Variants in HBS1L observed in about 807,000 individuals in gnomAD.
HBS1L encodes HBS1-like protein.
A neutral mutation model predicts 88.9 loss-of-function variants in HBS1L; 55 were observed. That is an observed-to-expected ratio of 0.62 (90% CI 0.50 to 0.77). The LOEUF (loss-of-function observed/expected upper bound fraction) is 0.77, where lower values mean the gene tolerates loss of function less well. Among genes scored for constraint, HBS1L ranks in the 30% least tolerant of loss-of-function variants. The probability of loss-of-function intolerance (pLI) is 0.00; values close to 1 mark genes in which losing one functional copy is unlikely to be tolerated. For synonymous variants in HBS1L, 267 were observed against 288.5 expected (o/e 0.93, Z 0.76); for missense variants, 741 against 829.3 (o/e 0.89, Z 1.31).
intron 8 of HBS1L, among the ~76,000 whole-genome samples, chr6:134,993,479 C>G (rs1418643015): frequency 6.6e-6 from 1 of 152,054 alleles, no homozygotes; most frequent in East Asian, 1.9e-4. Context: ...AAATATGAAG[C>G]TATACTCATC....
At position 134,990,137 on chromosome 6, in the gene HBS1L, C is replaced by T. The variant is rs1191011961; in HGVS notation, c.1084-2346G>A. Among the ~76,000 whole-genome samples, 5 of 152,016 alleles carry T rather than the reference C, an allele frequency of 3.3e-5. No homozygotes were observed. The East Asian group carries it at 9.6e-4, about 29-fold the overall frequency. ...ATTCATTGAATTGGTATTAAGATAC[C>T]TAAGGCCACAAATGTTCTACCTAAT... is the stretch of plus-strand genomic sequence containing the variant. On this transcript the variant is annotated intron_variant, in intron 8 of 17. Coordinates refer to ENST00000367837, the MANE Select transcript of HBS1L (RefSeq NM_006620.4).
chr6:134,970,951 A>T (rs1282466895), intron 15 of HBS1L, among the ~76,000 whole-genome samples: 1 of 152,224 alleles, frequency 6.6e-6, no homozygotes, highest in Non-Finnish European at 1.5e-5. Flanking sequence ...TTGGTTTATA[A>T]GTACAATTTA....
rs751628614 is a variant in HBS1L at position 134,985,379 on chromosome 6, T to C, written c.1454A>G (p.Asp485Gly). 1.9e-6 allele frequency: 3 copies of C among 1,606,226 alleles called. No individual in the cohort carries two copies. The highest frequency in any genetic ancestry group is 1.7e-5 in the Admixed American group (1 of 58,646). ...DSFKPPQRSI[D>G]KPFRLCVSDV... Reference sequence around the variant, plus strand: ...GGACACACATAATCTAAAAGGTTTGTCAATAGATCGCTGGGGAGGCTTAAA... The same window carrying C: ...GGACACACATAATCTAAAAGGTTTGCCAATAGATCGCTGGGGAGGCTTAAA... Residue 485 changes from aspartate to glycine, a missense_variant, in exon 12 of 18, where the codon GAC becomes GGC. By Grantham distance (94) the Asp-to-Gly change is moderately conservative. Coordinates refer to ENST00000367837, the MANE Select transcript of HBS1L (RefSeq NM_006620.4).
rs1165823390 is a variant in HBS1L, at chr6:134,963,706, G to C, written c.*1573C>G. The C allele has an allele frequency of 1.3e-5, 2 of 152,266 alleles. No individual in the cohort carries two copies. Among genetic ancestry groups the C allele is most frequent in the Non-Finnish European group, 2.9e-5 (2 of 68,162 alleles). The allele number at this position is 152,266 out of a possible 1,614,324, so 9.4% of individuals were successfully genotyped here. On this transcript the variant is annotated 3_prime_UTR_variant, in exon 18 of 18. Coordinates refer to ENST00000367837, the MANE Select transcript of HBS1L (RefSeq NM_006620.4). The stretch of plus-strand genomic sequence containing the variant: ...CAAAGTGTTTTGATTACAGGTGTGA[G>C]CCACCGCGCCCGGCCGAGAGTTCTA...
chr6:134,978,860 C>T, intron 14 of HBS1L, 73 bp from the exon 15 acceptor site: 1 of 880,418 alleles, frequency 1.1e-6, no homozygotes, highest in Non-Finnish European at 1.8e-6. Context: ...ACCTCAAAAA[C>T]ATTTACAAGG....
intron 4 of HBS1L, among the ~76,000 whole-genome samples, chr6:135,035,516 G>A (rs570460183): frequency 4.2e-4 from 63 of 151,640 alleles, no homozygotes; most frequent in Non-Finnish European, 7.8e-4. Flanking sequence ...CAAGGCGGGC[G>A]GATCATGAGG....
At chr6:134,990,834 G>A (rs1775112045) in intron 8 of HBS1L, among the ~76,000 whole-genome samples, 1 of 152,172 alleles carries the variant, frequency 6.6e-6, no homozygotes, top group Non-Finnish European at 1.5e-5. Context: ...TTACAGGCGT[G>A]AGCCTCCACA....
chr6:135,037,680 A>C, intron 4 of HBS1L: 1 of 1,550,806 alleles, frequency 6.4e-7, no homozygotes, highest in Non-Finnish European at 8.7e-7. Context: ...ACAAATCGGC[A>C]TCTAGGTTCT....
At chr6:134,993,630 T>A in intron 8 of HBS1L, 128 bp downstream of exon 8, 1 of 432,056 alleles carries the variant, frequency 2.3e-6, no homozygotes. Context: ...TTGTTCAAGC[T>A]TTATAAAGGT....
In HBS1L at chr6:134,963,320, T is replaced by C. The variant is rs1447077901; in HGVS notation, c.*1959A>G. The C allele has an allele frequency of 6.6e-6, 1 of 152,214 alleles. No homozygotes were observed. The highest frequency in any genetic ancestry group is 1.5e-5 in the Non-Finnish European group (1 of 68,030). 9.4% of individuals were successfully genotyped at this position (152,214 alleles called of 1,614,324 possible). A position where few individuals can be genotyped will look rare whatever the true frequency, so the allele number is the denominator to read the frequency against. On this transcript the variant is annotated 3_prime_UTR_variant, in exon 18 of 18. Transcript: ENST00000367837. ...ATGTTTCTAGGACTTCTGGAGAAGATATGCTCTTTTAGTCTGTCCTTGCCC... is the reference window on the plus strand; with the variant it reads ...ATGTTTCTAGGACTTCTGGAGAAGACATGCTCTTTTAGTCTGTCCTTGCCC...
intron 3 of HBS1L, among the ~76,000 whole-genome samples, chr6:135,040,344 C>CCT (rs1365916364): frequency 2.5e-4 from 28 of 110,068 alleles, no homozygotes; most frequent in African/African-American, 6.1e-4. Context: ...GATAGGCATT[C>CCT]TTTTTTTTTT....
At chr6:135,029,671 C>G (rs1425480107) in intron 4 of HBS1L, among the ~76,000 whole-genome samples, 1 of 152,028 alleles carries the variant, frequency 6.6e-6, no homozygotes, top group African/African-American at 2.4e-5. Flanking sequence ...TATATAAACT[C>G]AATTTCTAGA....
chr6:135,018,805 A>G (rs553595437), intron 4 of HBS1L, among the ~76,000 whole-genome samples: 2 of 151,938 alleles, frequency 1.3e-5, no homozygotes, highest in African/African-American at 2.4e-5. Context: ...AAACAAATAC[A>G]TTGGTGTTTT....
chr6:135,016,488 A>C (rs1353464141), intron 4 of HBS1L, among the ~76,000 whole-genome samples: 5 of 152,146 alleles, frequency 3.3e-5, no homozygotes, highest in Non-Finnish European at 4.4e-5. Context: ...TGTCCACTTA[A>C]CATTCTGTGA....
chr6:134,978,132 A>G (rs545235120), intron 15 of HBS1L, among the ~76,000 whole-genome samples: 45 of 152,148 alleles, frequency 3.0e-4, no homozygotes, highest in Non-Finnish European at 6.0e-4. Context: ...CACCCAATAC[A>G]TACCAACTGG....
At chr6:135,017,973 T>C (rs1775967821) in intron 4 of HBS1L, among the ~76,000 whole-genome samples, 1 of 143,820 alleles carries the variant, frequency 7.0e-6, no homozygotes, top group Non-Finnish European at 1.5e-5. Context: ...TCAAGCTTAT[T>C]TAAAAACAAA....
chr6:134,966,876 GAATAT>G (rs984554034), intron 16 of HBS1L, among the ~76,000 whole-genome samples: 9 of 147,524 alleles, frequency 6.1e-5, no homozygotes, highest in African/African-American at 2.4e-4. Flanking sequence ...TTGCAAAGAG[GAATAT>G]AATGCCCTAT....
At chr6:134,999,448 C>CTTT (rs35807723) in intron 5 of HBS1L, among the ~76,000 whole-genome samples, 15,788 of 124,522 alleles carry the variant, frequency 0.13, 1,441 homozygotes, top group East Asian at 0.26. Context: ...TTTTTCTTTT[C>CTTT]TTTTTTTTTT....
chr6:135,029,006 A>G (rs1430260335), intron 4 of HBS1L, among the ~76,000 whole-genome samples: 1 of 152,130 alleles, frequency 6.6e-6, no homozygotes, highest in Non-Finnish European at 1.5e-5. Flanking sequence ...CTAAAAAGCT[A>G]TAGTAATTTA....
Sources: gnomAD v4.1 joint callset for allele counts (sites outside exome capture counted in the v4.1 genomes callset) on GRCh38, gnomAD v4.1.1 for gene constraint, MANE v1.5 for transcripts, NCBI Gene and HGNC (gene_info 2026-07-23, HGNC 2026-07-21) for gene names.